KCNMA1: variants seen among roughly 807,000 people sequenced by gnomAD.
KCNMA1 encodes the protein potassium calcium-activated channel subfamily M alpha 1.
Under a neutral mutation model 140.0 loss-of-function variants are expected in KCNMA1, and 29 were observed. The observed-to-expected ratio is 0.21, with a 90% CI of 0.15 to 0.28. The LOEUF (loss-of-function observed/expected upper bound fraction) is 0.28. KCNMA1 is among the 10% of genes least tolerant of loss of function. KCNMA1 has a pLI of 1.00. For missense variants in KCNMA1, 880 were observed against 1,602.2 expected (o/e 0.55, Z 7.70); for synonymous variants, 612 against 611.9 (o/e 1.00, Z 0.00).
chr10:77,203,719 T>C (rs1372915512), intron 3 of KCNMA1, among the ~76,000 whole-genome samples: 1 of 152,058 alleles, frequency 6.6e-6, no homozygotes, highest in Admixed American at 6.6e-5. Context: ...AGGAAACTGA[T>C]TATAATTCAA....
intron 1 of KCNMA1, among the ~76,000 whole-genome samples, chr10:77,506,584 A>AGTGTGT (rs1373201126): frequency 3.7e-5 from 4 of 107,558 alleles, no homozygotes; most frequent in African/African-American, 2.1e-4. Flanking sequence ...AGAGAGAGAG[A>AGTGTGT]GAGAGAGAGA....
intron 1 of KCNMA1, among the ~76,000 whole-genome samples, chr10:77,583,058 A>T (rs1323621472): frequency 6.6e-6 from 1 of 152,236 alleles, no homozygotes; most frequent in Non-Finnish European, 1.5e-5. Flanking sequence ...TTGTGCTACA[A>T]AGATAACTCA....
chr10:77,384,814 C>T (rs1034907747), intron 2 of KCNMA1, among the ~76,000 whole-genome samples: 4 of 152,230 alleles, frequency 2.6e-5, no homozygotes, highest in Admixed American at 2.0e-4. Context: ...TCTGGAGCCA[C>T]GTATGTTTGA....
intron 2 of KCNMA1, among the ~76,000 whole-genome samples, chr10:77,300,893 G>T (rs1021329018): frequency 6.6e-6 from 1 of 152,142 alleles, no homozygotes; most frequent in Admixed American, 6.5e-5. Context: ...TTCTGAGCCC[G>T]AGCTGCTCAC....
At chr10:77,419,161 C>T (rs923352603) in intron 1 of KCNMA1, among the ~76,000 whole-genome samples, 1 of 152,122 alleles carries the variant, frequency 6.6e-6, no homozygotes, top group Admixed American at 6.5e-5. Context: ...GGGGGACTGG[C>T]ATGAAGGTCA....
intron 9 of KCNMA1, among the ~76,000 whole-genome samples, chr10:77,107,971 T>C (rs1407763801): frequency 6.6e-6 from 1 of 152,210 alleles, no homozygotes; most frequent in African/African-American, 2.4e-5. Flanking sequence ...ACCAGAATTT[T>C]ATCACATAGC....
In KCNMA1 at chr10:77,382,959, C is replaced by CGTGTGT. The variant is rs57049025; in HGVS notation, c.540+20897_540+20902dup. 9.5e-3 allele frequency among the ~76,000 whole-genome samples: 732 copies of CGTGTGT among 76,788 alleles called. 6 individuals are homozygous for CGTGTGT. The highest frequency in any genetic ancestry group is 0.029 in the Middle Eastern group (4 of 138). 50.4% of individuals were successfully genotyped at this position (76,788 alleles called of 152,430 possible). A position where few individuals can be genotyped will look rare whatever the true frequency, so the allele number is the denominator to read the frequency against. ...ATATATACACATATACATATATATACGTGTGTGTGTGTGTGTGTGTGTGTG... is the reference window on the plus strand; with the variant it reads ...ATATATACACATATACATATATATACGTGTGTGTGTGTGTGTGTGTGTGTGTGTGTG... On this transcript the variant is annotated intron_variant, in intron 2 of 27. Coordinates refer to ENST00000286628, the MANE Select transcript of KCNMA1 (RefSeq NM_001161352.2).
At chr10:77,617,660 A>G (rs1200932539) in intron 1 of KCNMA1, among the ~76,000 whole-genome samples, 1 of 152,240 alleles carries the variant, frequency 6.6e-6, no homozygotes, top group Non-Finnish European at 1.5e-5. Context: ...TGGGCAAGTG[A>G]CATCACATAG....
chr10:77,547,784 C>T (rs1220945347), intron 1 of KCNMA1, among the ~76,000 whole-genome samples: 1 of 152,186 alleles, frequency 6.6e-6, no homozygotes, highest in Non-Finnish European at 1.5e-5. Context: ...ATGGGCTGAC[C>T]CAAAGATAAC....
intron 1 of KCNMA1, chr10:77,635,136 G>A (rs948492652): frequency 2.0e-5 from 3 of 152,160 alleles, no homozygotes; most frequent in African/African-American, 7.2e-5. Context: ...TTTACGAATT[G>A]TTTTTTCTAA....
intron 2 of KCNMA1, among the ~76,000 whole-genome samples, chr10:77,382,960 G>A (rs1159241151): frequency 3.9e-5 from 2 of 51,026 alleles, no homozygotes; most frequent in African/African-American, 1.1e-4. Flanking sequence ...ATATATATAC[G>A]TGTGTGTGTG....
chr10:77,182,172 C>A (rs1340903575), intron 5 of KCNMA1, among the ~76,000 whole-genome samples: 3 of 152,010 alleles, frequency 2.0e-5, no homozygotes, highest in African/African-American at 7.3e-5. Flanking sequence ...CTTCCAGGAA[C>A]CTGGAACTAT....
chr10:77,208,605 T>C (rs1351234517), intron 3 of KCNMA1, among the ~76,000 whole-genome samples: 3 of 151,902 alleles, frequency 2.0e-5, no homozygotes, highest in African/African-American at 7.2e-5. Context: ...GAGAGATGAA[T>C]ATGTCTAGAT....
At chr10:77,252,000 T>C (rs1420703931) in intron 2 of KCNMA1, among the ~76,000 whole-genome samples, 3 of 152,246 alleles carry the variant, frequency 2.0e-5, no homozygotes, top group African/African-American at 7.2e-5. Context: ...AGAACACTTC[T>C]GAAATATTTA....
intron 1 of KCNMA1, among the ~76,000 whole-genome samples, chr10:77,448,631 C>T (rs1451806723): frequency 6.6e-6 from 1 of 152,138 alleles, no homozygotes; most frequent in Non-Finnish European, 1.5e-5. Flanking sequence ...TCAGAAAGGG[C>T]CCCTTTTTCT....
intron 5 of KCNMA1, among the ~76,000 whole-genome samples, chr10:77,160,667 G>A (rs1029118882): frequency 2.0e-5 from 3 of 152,190 alleles, no homozygotes; most frequent in Non-Finnish European, 4.4e-5. Context: ...TGCCAATTCA[G>A]AGATAACAAT....
intron 2 of KCNMA1, among the ~76,000 whole-genome samples, chr10:77,269,901 CT>C (rs2064517241): frequency 6.6e-6 from 1 of 152,194 alleles, no homozygotes; most frequent in Admixed American, 6.5e-5. Context: ...CTGCCCCAAG[CT>C]GTACCTCTGA....
chr10:76,950,703 A>G (rs929145646), intron 21 of KCNMA1, among the ~76,000 whole-genome samples: 7 of 152,234 alleles, frequency 4.6e-5, no homozygotes, highest in Non-Finnish European at 8.8e-5. Context: ...ATAAATGCCA[A>G]TGTTGCAATT....
At chr10:77,343,490 TGGCAGAGGGGAGGGGGA>T (rs1169153362) in intron 2 of KCNMA1, among the ~76,000 whole-genome samples, 2 of 151,810 alleles carry the variant, frequency 1.3e-5, no homozygotes, top group African/African-American at 2.4e-5. Flanking sequence ...ATAAAGGGGG[TGGCAGAGGGGAGGGGGA>T]TGAGGTGCCT....
Sources: gnomAD v4.1 joint callset for allele counts (sites outside exome capture counted in the v4.1 genomes callset) on GRCh38, gnomAD v4.1.1 for gene constraint, MANE v1.5 for transcripts, NCBI Gene and HGNC (gene_info 2026-07-23, HGNC 2026-07-21) for gene names.